OCA2: variants seen among roughly 807,000 people sequenced by gnomAD.
OCA2 encodes the protein OCA2 melanosomal transmembrane protein.
A neutral mutation model predicts 100.2 loss-of-function variants in OCA2; 77 were observed. The ratio of observed to expected loss-of-function variants is 0.77; its 90% confidence interval spans 0.64 to 0.93. The LOEUF is 0.93. Among genes scored for constraint, OCA2 ranks in the 40% least tolerant of loss-of-function variants. The pLI, the probability that OCA2 is intolerant of heterozygous loss-of-function variation, is 0.00. For missense variants in OCA2, 1,062 were observed against 1,089.1 expected, an observed-to-expected ratio of 0.98 and a Z score of 0.35; for synonymous variants, 432 against 439.2, an observed-to-expected ratio of 0.98 and a Z score of 0.21.
intron 2 of OCA2, among the ~76,000 whole-genome samples, chr15:28,069,053 A>C (rs534135393): frequency 6.6e-6 from 1 of 152,254 alleles, no homozygotes; most frequent in African/African-American, 2.4e-5. Flanking sequence ...GCACATTTTC[A>C]CCACTCCTAT....
chr15:27,990,668 T>C (rs753086423), intron 9 of OCA2, 21 bp from the exon 10 acceptor site: 1 of 1,611,326 alleles, frequency 6.2e-7, no homozygotes, highest in Non-Finnish European at 8.5e-7. Flanking sequence ...GCACAGGAAA[T>C]TACCGCGTTC....
chr15:28,072,607 A>AAC (rs2044299863), intron 2 of OCA2, among the ~76,000 whole-genome samples: 3 of 150,238 alleles, frequency 2.0e-5, no homozygotes, highest in African/African-American at 5.0e-5. Flanking sequence ...AAAAAAAAAA[A>AAC]AACAAGTAAC....
the OCA2 span, among the ~76,000 whole-genome samples, chr15:27,734,190 A>G: frequency 1.3e-5 from 2 of 149,736 alleles, no homozygotes; most frequent in East Asian, 3.9e-4. Context: ...AAGTGGAGCC[A>G]AATGGCAGAA....
the OCA2 span, among the ~76,000 whole-genome samples, chr15:27,721,705 T>C: frequency 6.6e-6 from 1 of 152,176 alleles, no homozygotes; most frequent in East Asian, 1.9e-4. Flanking sequence ...ATGGTTTATG[T>C]TTGTGTGGTA....
intron 7 of OCA2, among the ~76,000 whole-genome samples, chr15:28,017,741 T>C (rs2042443682): frequency 6.6e-6 from 1 of 151,934 alleles, no homozygotes; most frequent in Non-Finnish European, 1.5e-5. Context: ...CTACTGGTTA[T>C]AACAGGGAAC....
intron 15 of OCA2, among the ~76,000 whole-genome samples, chr15:27,961,651 A>G (rs534729790): frequency 6.7e-4 from 102 of 152,344 alleles, no homozygotes; most frequent in African/African-American, 2.5e-3. Flanking sequence ...CTTTGCAGGG[A>G]CATGGATTAA....
intron 2 of OCA2, among the ~76,000 whole-genome samples, chr15:28,038,519 G>A (rs945158734): frequency 2.6e-5 from 4 of 152,166 alleles, no homozygotes; most frequent in Admixed American, 2.6e-4. Flanking sequence ...TCACAGAACA[G>A]GGAGAGTACA....
At chr15:28,071,420 T>C (rs1404254473) in intron 2 of OCA2, among the ~76,000 whole-genome samples, 2 of 152,102 alleles carry the variant, frequency 1.3e-5, no homozygotes, top group Non-Finnish European at 2.9e-5. Flanking sequence ...AACACTATTC[T>C]AAAATCCATA....
At position 28,024,883 on chromosome 15, in the gene OCA2, T is replaced by C. The variant is rs1277911369; in HGVS notation, c.535A>G (p.Lys179Glu). 2 of 1,614,242 alleles carry C rather than the reference T, an allele frequency of 1.2e-6. No homozygotes were observed. Among genetic ancestry groups the C allele is most frequent in the East Asian group, 4.5e-5 (2 of 44,878 alleles). The change falls in exon 5 of 24, where the codon AAA (lysine) becomes GAA (glutamate). Residue 179 changes from lysine to glutamate, a missense_variant. By Grantham distance (56) the Lys-to-Glu change is moderately conservative. Coordinates refer to ENST00000354638, the MANE Select transcript of OCA2 (RefSeq NM_000275.3). ...SKLRRCVQWLKVMGLFAFVVL... is the reference protein window; with the variant it reads ...SKLRRCVQWLEVMGLFAFVVL... The stretch of plus-strand genomic sequence containing the variant: ...ACAAAGGCAAACAGGCCCATGACTT[T>C]CAGCCACTGCACACAGCGCCTGCAA...
At chr15:28,093,287 T>C (rs1386607295) in intron 1 of OCA2, among the ~76,000 whole-genome samples, 1 of 151,750 alleles carries the variant, frequency 6.6e-6, no homozygotes, top group Non-Finnish European at 1.5e-5. Flanking sequence ...CCAGGTGTGG[T>C]GGCGGGCGCC....
At chr15:27,721,506 T>C in the OCA2 span, among the ~76,000 whole-genome samples, 1 of 152,174 alleles carries the variant, frequency 6.6e-6, no homozygotes, top group Non-Finnish European at 1.5e-5. Context: ...AGAAGAAAAT[T>C]GTTTTGCTTT....
At chr15:27,890,228 T>C (rs2037398672) in intron 19 of OCA2, among the ~76,000 whole-genome samples, 1 of 152,166 alleles carries the variant, frequency 6.6e-6, no homozygotes, top group Admixed American at 6.5e-5. Flanking sequence ...TAAAATCTAA[T>C]ATTCATGTCA....
At chr15:28,038,388 G>A (rs2043107185) in intron 2 of OCA2, among the ~76,000 whole-genome samples, 1 of 152,176 alleles carries the variant, frequency 6.6e-6, no homozygotes, top group South Asian at 2.1e-4. Context: ...CTGGGAGTCT[G>A]GCATCATTCT....
chr15:28,018,582 C>T, intron 6 of OCA2, 25 bp from the exon 7 acceptor site: 1 of 1,608,842 alleles, frequency 6.2e-7, no homozygotes, highest in Non-Finnish European at 8.5e-7. Flanking sequence ...AGGAGAACCA[C>T]AAGGCAGACA....
intron 23 of OCA2, among the ~76,000 whole-genome samples, chr15:27,843,796 G>T (rs2035430316): frequency 6.6e-6 from 1 of 152,196 alleles, no homozygotes; most frequent in Non-Finnish European, 1.5e-5. Flanking sequence ...CCTGCTGTGT[G>T]TGGGTCCTCA....
chr15:27,723,580 G>A, the OCA2 span, among the ~76,000 whole-genome samples: 2 of 151,916 alleles, frequency 1.3e-5, no homozygotes, highest in East Asian at 1.9e-4. Context: ...CGACCTGGGG[G>A]CAGGTCAGAG....
chr15:28,096,614 T>C (rs749419005), intron 1 of OCA2, among the ~76,000 whole-genome samples: 21 of 152,314 alleles, frequency 1.4e-4, no homozygotes, highest in Non-Finnish European at 2.6e-4. Context: ...ACTTCGGGCC[T>C]GGACCGAGAC....
At chr15:27,941,666 C>T (rs1185836025) in intron 18 of OCA2, among the ~76,000 whole-genome samples, 8 of 152,160 alleles carry the variant, frequency 5.3e-5, no homozygotes, top group East Asian at 1.9e-4. Context: ...GGCAAGGCTG[C>T]GGTTTTAAGC....
intron 19 of OCA2, among the ~76,000 whole-genome samples, chr15:27,916,243 C>T (rs1384479871): frequency 6.6e-6 from 1 of 152,092 alleles, no homozygotes; most frequent in East Asian, 1.9e-4. Context: ...TGTATCAGGT[C>T]CTACGCTTAT....
Sources: allele counts gnomAD v4.1 joint callset (sites outside exome capture counted in the v4.1 genomes callset), GRCh38; gene constraint gnomAD v4.1.1; transcripts MANE v1.5; gene names NCBI Gene and HGNC (gene_info 2026-07-23, HGNC 2026-07-21).